PUDP: variants seen among roughly 807,000 people sequenced by gnomAD.
PUDP encodes pseudouridine 5'-phosphatase.
A neutral mutation model predicts 9.4 loss-of-function variants in PUDP; 8 were observed. The ratio of observed to expected loss-of-function variants is 0.85; its 90% CI spans 0.50 to 1.53. The LOEUF (loss-of-function observed/expected upper bound fraction) is 1.53. PUDP is among the 40% of genes most tolerant of loss of function. PUDP has a pLI of 0.00. For synonymous variants in PUDP, 99 were observed against 80.7 expected, an observed-to-expected ratio of 1.23 and a Z score of -1.22; for missense variants, 188 against 189.7, an observed-to-expected ratio of 0.99 and a Z score of 0.05.
chrX:7,088,115 TA>T (rs1304707778), intron 2 of PUDP, among the ~76,000 whole-genome samples: 1 of 112,332 alleles, frequency 8.9e-6, no homozygotes, highest in African/African-American at 3.2e-5. Flanking sequence ...AAAACAAAAC[TA>T]TTTTTTTCAG....
In PUDP at chrX:7,048,943, A is replaced by T. The variant is rs1488999966; in HGVS notation, c.*1353T>A. 8.9e-6 allele frequency: 1 copy of T among 112,419 alleles called. No homozygotes were observed. The highest frequency in any genetic ancestry group is 3.2e-5 in the African/African-American group (1 of 30,916). The allele number at this position is 112,419 out of a possible 1,213,427, so 9.3% of individuals were successfully genotyped here. On this transcript the variant is annotated 3_prime_UTR_variant, in exon 4 of 4. Transcript: ENST00000381077. ...TCAACATGTGTCAAAAGATTTTATT[A>T]AACTAATTCAATTTGTTAGGGAAAT...
intron 3 of PUDP, among the ~76,000 whole-genome samples, chrX:6,853,343 C>T (rs762240473): frequency 1.5e-4 from 17 of 110,892 alleles, no homozygotes; most frequent in African/African-American, 4.9e-4. Context: ...GTGGGAATTC[C>T]GGGCTCATGT....
intron 3 of PUDP, among the ~76,000 whole-genome samples, chrX:6,801,767 A>C (rs1925937987): frequency 8.9e-6 from 1 of 111,922 alleles, no homozygotes; most frequent in Non-Finnish European, 1.9e-5. Context: ...TTAATTTTAA[A>C]TATGCAAAGG....
intron 2 of PUDP, among the ~76,000 whole-genome samples, chrX:7,101,011 A>G (rs1352158595): frequency 8.9e-6 from 1 of 112,026 alleles, no homozygotes; most frequent in African/African-American, 3.2e-5. Context: ...GTCCCTGCAC[A>G]TCATCTGAGC....
chrX:6,911,511 C>T (rs767909779), intron 3 of PUDP, among the ~76,000 whole-genome samples: 10 of 111,947 alleles, frequency 8.9e-5, no homozygotes, highest in Admixed American at 7.6e-4. Context: ...TTTTATTCTA[C>T]TAAGCTTTTC....
intron 3 of PUDP, among the ~76,000 whole-genome samples, chrX:6,837,714 T>C (rs1316495760): frequency 8.9e-6 from 1 of 111,839 alleles, no homozygotes; most frequent in African/African-American, 3.3e-5. Flanking sequence ...CACACACATG[T>C]TGAACAAGTA....
In PUDP at chrX:6,836,387, G is replaced by T. The variant is rs923500363; in HGVS notation, c.*248-129921C>A. Among the ~76,000 whole-genome samples, 4 of 111,870 alleles carry T rather than the reference G, an allele frequency of 3.6e-5. No homozygotes were observed. In the East Asian group the frequency reaches 1.1e-3, roughly 31 times the overall value. On this transcript the variant is annotated intron_variant and NMD_transcript_variant, in intron 3 of 3. Coordinates refer to the PUDP transcript ENST00000655425. ...TGGGTCTCACTGGTTTAAAATGAAG[G>T]TGTTGTCAGGGTTGTGTTTCTTCTA...
intron 3 of PUDP, among the ~76,000 whole-genome samples, chrX:7,052,325 C>T (rs1930124338): frequency 9.0e-6 from 1 of 111,659 alleles, no homozygotes; most frequent in Admixed American, 9.4e-5. Flanking sequence ...GTGTGTGCCA[C>T]CACACCTGGC....
rs187429704 is a variant in PUDP at position 7,094,470 on chromosome X, C to A, written c.280+11150G>T. Among the ~76,000 whole-genome samples the A allele has an allele frequency of 4.6e-5, 5 of 109,111 alleles. No individual in the cohort carries two copies. The East Asian group carries it at 1.5e-3, about 32-fold the overall frequency. The allele number at this position is 109,111 out of a possible 115,157, so 94.7% of individuals were successfully genotyped here. On this transcript the variant is annotated intron_variant, in intron 2 of 3. Transcript: ENST00000381077. The stretch of plus-strand genomic sequence containing the variant: ...CCCGCGGGTTCACGCCTTTCTCCTG[C>A]CTCAGCCTCCCAAGTAGCTGGGACT...
intron 3 of PUDP, among the ~76,000 whole-genome samples, chrX:6,747,766 C>T (rs939958985): frequency 9.0e-6 from 1 of 111,220 alleles, no homozygotes; most frequent in Non-Finnish European, 1.9e-5. Flanking sequence ...TTTTTCTAAT[C>T]TATTTTTTAT....
At chrX:6,891,905 G>A (rs759401683) in intron 3 of PUDP, among the ~76,000 whole-genome samples, 21 of 111,650 alleles carry the variant, frequency 1.9e-4, no homozygotes, top group Admixed American at 2.9e-4. Flanking sequence ...TCTCAACCAA[G>A]TCAACTTCCT....
chrX:6,759,454 T>C (rs998523560), intron 3 of PUDP, among the ~76,000 whole-genome samples: 2 of 111,807 alleles, frequency 1.8e-5, no homozygotes, highest in Non-Finnish European at 3.8e-5. Flanking sequence ...ACTTCAACTC[T>C]GGTGACATTT....
At chrX:6,894,363 G>A (rs1486865687) in intron 3 of PUDP, among the ~76,000 whole-genome samples, 1 of 112,065 alleles carries the variant, frequency 8.9e-6, no homozygotes, top group Non-Finnish European at 1.9e-5. Flanking sequence ...GTTGTTCTCT[G>A]CTGGCTTTAC....
chrX:6,975,045 T>C (rs1296274076), intron 3 of PUDP, among the ~76,000 whole-genome samples: 2 of 109,552 alleles, frequency 1.8e-5, no homozygotes, highest in African/African-American at 6.6e-5. Context: ...TCTCGTGCTG[T>C]GTTTTTCAGC....
At chrX:6,782,274 A>G (rs1364733606) in intron 3 of PUDP, among the ~76,000 whole-genome samples, 1 of 111,526 alleles carries the variant, frequency 9.0e-6, no homozygotes, top group East Asian at 2.8e-4. Flanking sequence ...GATACATTTT[A>G]AAACACATCT....
At chrX:7,147,127 ACT>A (rs773005212) in intron 1 of PUDP, among the ~76,000 whole-genome samples, 3 of 111,041 alleles carry the variant, frequency 2.7e-5, no homozygotes, top group African/African-American at 9.8e-5. Context: ...ATGTGCTAAG[ACT>A]GACTACCTTA....
At chrX:7,064,163 T>C (rs1930482830) in intron 3 of PUDP, among the ~76,000 whole-genome samples, 1 of 111,104 alleles carries the variant, frequency 9.0e-6, no homozygotes, top group African/African-American at 3.3e-5. Context: ...TTCCTTCTCA[T>C]AAAAAGAACA....
chrX:6,845,084 A>G (rs1926725387), intron 3 of PUDP, among the ~76,000 whole-genome samples: 1 of 112,262 alleles, frequency 8.9e-6, no homozygotes, highest in Non-Finnish European at 1.9e-5. Context: ...TCTCTTCCAG[A>G]AACACTCTCA....
chrX:7,036,990 C>T (rs1363235149), intron 1 of PUDP, among the ~76,000 whole-genome samples: 6 of 111,955 alleles, frequency 5.4e-5, no homozygotes, highest in Non-Finnish European at 9.4e-5. Flanking sequence ...TTGTGGTATA[C>T]AATCTTTCCG....
Sources: allele counts gnomAD v4.1 joint callset (sites outside exome capture counted in the v4.1 genomes callset), GRCh38; gene constraint gnomAD v4.1.1; transcripts MANE v1.5; gene names NCBI Gene and HGNC (gene_info 2026-07-23, HGNC 2026-07-21).